Variants in GRHL3 observed in about 807,000 individuals in gnomAD.
GRHL3 encodes grainyhead-like protein 3 homolog.
In GRHL3, 20 loss-of-function variants were observed where a neutral mutation model predicts 70.3. The ratio of observed to expected loss-of-function variants is 0.28; its 90% CI spans 0.20 to 0.41. The LOEUF is 0.41. Ranked by LOEUF, GRHL3 falls within the 10% of genes least tolerant of loss-of-function variation. GRHL3 has a pLI of 1.00. For missense variants in GRHL3, 637 were observed against 762.3 expected (o/e 0.84, Z 1.94); for synonymous variants, 299 against 299.9 (o/e 1.00, Z 0.03).
chr1:24,341,175 C>A (rs1640021470), intron 8 of GRHL3, among the ~76,000 whole-genome samples: 1 of 152,176 alleles, frequency 6.6e-6, no homozygotes, highest in Admixed American at 6.5e-5. Context: ...CACCAGGTGA[C>A]CTTGCCAGGG....
chr1:24,342,177 C>A lies in GRHL3; in HGVS notation c.1110C>A (p.Val370=). 1 of 1,612,738 alleles carries A rather than the reference C, an allele frequency of 6.2e-7. No individual in the cohort carries two copies. Among genetic ancestry groups the A allele is most frequent in the Non-Finnish European group, 8.5e-7 (1 of 1,179,210 alleles). The change falls in exon 9 of 16, where the codon GTC becomes GTA. Residue 370 remains valine, a synonymous_variant. Transcript: ENST00000361548. This position sits in a 1 kb window ranked among gnomAD's most constrained non-coding sequence, Gnocchi z 4.8. ...CCTCACAAAAGGGGGTGAAGGGTGT[C>A]CCCCTGAACCTGCAGATTGACACCT... ...DFSSQKGVKG[V]PLNLQIDTYD... is the part of the protein sequence containing the mutation.
intron 1 of GRHL3, among the ~76,000 whole-genome samples, chr1:24,329,549 G>C (rs1012892097): frequency 6.6e-6 from 1 of 152,220 alleles, no homozygotes; most frequent in Non-Finnish European, 1.5e-5. Context: ...GTTGTCTCAC[G>C]GACCAGCTGG....
In GRHL3 at chr1:24,322,974, G is replaced by T. The variant is rs924261544; in HGVS notation, c.17+3406G>T. 3.6e-5 allele frequency: 34 copies of T among 940,908 alleles called. No homozygotes were observed. The highest frequency in any genetic ancestry group is 6.6e-5 in the African/African-American group (4 of 60,760). The allele number at this position is 940,908 out of a possible 1,614,324, so 58.3% of individuals were successfully genotyped here. A position where few individuals can be genotyped will look rare whatever the true frequency, so the allele number is the denominator to read the frequency against. ...TCACGGAAGCACTGGGATCTTAACC[G>T]GGTCTTAGCCGAGCAGCCATAGGCC... On this transcript the variant is annotated intron_variant, in intron 1 of 15. Coordinates refer to ENST00000361548, the MANE Select transcript of GRHL3 (RefSeq NM_198173.3). This position sits in a 1 kb window ranked among gnomAD's most constrained non-coding sequence, Gnocchi z 4.4.
intron 1 of GRHL3, chr1:24,323,065 T>G: frequency 1.3e-6 from 2 of 1,549,306 alleles, no homozygotes; most frequent in South Asian, 2.4e-5. Flanking sequence ...CTGTTAAGAG[T>G]GGTTATTTCT....
chr1:24,347,658 T>C lies in GRHL3; in HGVS notation c.1629+105T>C. On this transcript the variant is annotated intron_variant, in intron 14 of 15. Coordinates refer to ENST00000361548, the MANE Select transcript of GRHL3 (RefSeq NM_198173.3). The stretch of plus-strand genomic sequence containing the variant: ...TTTCCCACAGGAGGGAACCTTGGCA[T>C]GCCGGTGGCCTACCCGTCCCACCCT... 13 of 948,234 alleles carry C rather than the reference T, an allele frequency of 1.4e-5. No individual in the cohort carries two copies. The South Asian group carries it at 1.5e-4, about 11-fold the overall frequency. The allele number at this position is 948,234 out of a possible 1,614,324, so 58.7% of individuals were successfully genotyped here. A position where few individuals can be genotyped will look rare whatever the true frequency, so the allele number is the denominator to read the frequency against.
chr1:24,349,948 T>C, intron 14 of GRHL3, 110 bp from the exon 15 acceptor site: 1 of 721,396 alleles, frequency 1.4e-6, no homozygotes, highest in Admixed American at 2.6e-5. Flanking sequence ...GCCCACAATA[T>C]GCATATGTTT....
At position 24,321,087 on chromosome 1, in the gene GRHL3, T is replaced by G. The variant is rs552043854; in HGVS notation, c.17+1519T>G. Among the ~76,000 whole-genome samples, 4 of 152,362 alleles carry G rather than the reference T, an allele frequency of 2.6e-5. No individual in the cohort carries two copies. The highest frequency in any genetic ancestry group is 1.3e-4 in the Admixed American group (2 of 15,306). ...CATACTTTGAACGCGCAAAAAAATC[T>G]TGACATGTGTCTCCATCCCACTTAA... On this transcript the variant is annotated intron_variant, in intron 1 of 15. Coordinates refer to ENST00000361548, the MANE Select transcript of GRHL3 (RefSeq NM_198173.3). The surrounding 1 kb of genome is among the most constrained non-coding windows in gnomAD (Gnocchi z 4.0).
chr1:24,359,419 T>C (rs1324003780), downstream of GRHL3, among the ~76,000 whole-genome samples: 1 of 152,210 alleles, frequency 6.6e-6, no homozygotes, highest in East Asian at 1.9e-4. The surrounding 1 kb of genome is among the most constrained non-coding windows in gnomAD (Gnocchi z 5.3). Context: ...TATGGAGCAT[T>C]TGCATGTTTG....
intron 15 of GRHL3, among the ~76,000 whole-genome samples, chr1:24,351,870 T>C (rs988135190): frequency 6.6e-6 from 1 of 152,214 alleles, no homozygotes; most frequent in African/African-American, 2.4e-5. Flanking sequence ...GGTATCATTA[T>C]CTCTGTTTGT....
Position 24,327,657 on chromosome 1 carries a change from A to G in GRHL3, c.18-3769A>G, listed in dbSNP as rs188032110. On this transcript the variant is annotated intron_variant, in intron 1 of 15. Transcript: ENST00000361548. Reference sequence around the variant, plus strand: ...TTCAGTCTTGGACAAGGACACCAACAGAGAGTTTGTGGAGGCCCCAGGGAA... The same window carrying G: ...TTCAGTCTTGGACAAGGACACCAACGGAGAGTTTGTGGAGGCCCCAGGGAA... 8.5e-5 allele frequency among the ~76,000 whole-genome samples: 13 copies of G among 152,286 alleles called. No individual in the cohort carries two copies. In the East Asian group the frequency reaches 2.3e-3, roughly 27 times the overall value.
chr1:24,335,822 T>C (rs1486132676), intron 3 of GRHL3, among the ~76,000 whole-genome samples: 1 of 152,126 alleles, frequency 6.6e-6, no homozygotes, highest in South Asian at 2.1e-4. Context: ...GACCTCGTGA[T>C]CCGCCCGCCT....
At chr1:24,344,753 T>C in intron 11 of GRHL3, 144 bp from the exon 12 acceptor site, 1 of 865,278 alleles carries the variant, frequency 1.2e-6, no homozygotes, top group Non-Finnish European at 1.9e-6. Context: ...GGCACTTGTC[T>C]GAGCAGAATG....
intron 12 of GRHL3, among the ~76,000 whole-genome samples, chr1:24,345,598 G>A (rs1640248252): frequency 6.6e-6 from 1 of 152,156 alleles, no homozygotes. Context: ...GAAGAGGGAA[G>A]CTGTGCTGGA....
At position 24,322,892 on chromosome 1, in the gene GRHL3, G is replaced by A; in HGVS notation, c.17+3324G>A. 1.7e-6 allele frequency: 1 copy of A among 591,380 alleles called. No individual in the cohort carries two copies. The highest frequency in any genetic ancestry group is 3.0e-6 in the Non-Finnish European group (1 of 331,578). 36.6% of individuals were successfully genotyped at this position (591,380 alleles called of 1,614,324 possible). ...CAACAAACTAATGCGGGATGGGAGT[G>A]TAAATGCAGTTTTGCCGAAGAGGGG... is the stretch of plus-strand genomic sequence containing the variant. On this transcript the variant is annotated intron_variant, in intron 1 of 15. Transcript: ENST00000361548. The surrounding 1 kb of genome is among the most constrained non-coding windows in gnomAD (Gnocchi z 4.4).
At chr1:24,352,264 AG>A (rs1377083665) in intron 15 of GRHL3, among the ~76,000 whole-genome samples, 1 of 152,210 alleles carries the variant, frequency 6.6e-6, no homozygotes, top group African/African-American at 2.4e-5. Flanking sequence ...TTCTGATCAA[AG>A]GCCTGGTTTA....
intron 14 of GRHL3, 30 bp from the exon 15 acceptor site, chr1:24,350,024 AGCAG>A: frequency 6.6e-7 from 1 of 1,519,470 alleles, no homozygotes; most frequent in African/African-American, 1.4e-5. Context: ...TAGCGTGGGC[AGCAG>A]GCAATGAATC....
Position 24,322,347 on chromosome 1 carries a change from A to T in GRHL3, c.17+2779A>T, listed in dbSNP as rs1639227313. On this transcript the variant is annotated intron_variant, in intron 1 of 15. Transcript: ENST00000361548. This position sits in a 1 kb window ranked among gnomAD's most constrained non-coding sequence, Gnocchi z 4.4. ...GCGGCCGCCGCCGCCGTTCTATCTG[A>T]TCTCCAGGAGCGCCGGCTCCAGACT... Among the ~76,000 whole-genome samples the T allele has an allele frequency of 6.6e-6, 1 of 151,992 alleles. No homozygotes were observed. Among genetic ancestry groups the T allele is most frequent in the Non-Finnish European group, 1.5e-5 (1 of 67,982 alleles).
At chr1:24,349,332 G>C (rs1225985338) in intron 14 of GRHL3, among the ~76,000 whole-genome samples, 1 of 152,200 alleles carries the variant, frequency 6.6e-6, no homozygotes, top group African/African-American at 2.4e-5. Flanking sequence ...TAGGCCTTGG[G>C]CGCGTGGCTT....
chr1:24,334,030 T>C lies in GRHL3; in HGVS notation c.205-615T>C, dbSNP rs932916236. Among the ~76,000 whole-genome samples the C allele has an allele frequency of 6.6e-6, 1 of 152,206 alleles. No homozygotes were observed. Among genetic ancestry groups the C allele is most frequent in the Admixed American group, 6.5e-5 (1 of 15,282 alleles). On this transcript the variant is annotated intron_variant, in intron 2 of 15. Transcript: ENST00000361548. The surrounding 1 kb of genome is among the most constrained non-coding windows in gnomAD (Gnocchi z 4.3). ...TCACAGTGCACTTTCAAGTGGCATT[T>C]CTAGGACTTACGCCAGGCCTGCCTG...
Sources: allele counts gnomAD v4.1 joint callset (sites outside exome capture counted in the v4.1 genomes callset), GRCh38; gene constraint gnomAD v4.1.1; non-coding constraint Gnocchi (gnomAD v3.1); transcripts MANE v1.5; gene names NCBI Gene and HGNC (gene_info 2026-07-23, HGNC 2026-07-21).